Variants in CNTN4 observed in about 807,000 individuals in gnomAD.
CNTN4 encodes the protein contactin 4, also known as contactin-4.
Under a neutral mutation model 122.5 loss-of-function variants are expected in CNTN4, and 77 were observed. The observed-to-expected ratio is 0.63, with a 90% CI of 0.52 to 0.76. The LOEUF (loss-of-function observed/expected upper bound fraction) is 0.76, where lower values mean the gene tolerates loss of function less well. CNTN4 is among the 30% of genes least tolerant of loss of function. CNTN4 has a pLI of 0.00. For missense variants in CNTN4, 1,256 were observed against 1,259.1 expected (o/e 1.00, Z 0.04); for synonymous variants, 512 against 447.0 (o/e 1.15, Z -1.83).
intron 3 of CNTN4, among the ~76,000 whole-genome samples, chr3:2,515,595 A>C (rs550060284): frequency 5.9e-5 from 9 of 152,236 alleles, no homozygotes; most frequent in African/African-American, 2.2e-4. Context: ...TATTTTATGG[A>C]AAGTTTTTTT....
At chr3:2,486,266 C>T (rs1244584803) in intron 3 of CNTN4, among the ~76,000 whole-genome samples, 1 of 152,134 alleles carries the variant, frequency 6.6e-6, no homozygotes, top group African/African-American at 2.4e-5. Context: ...CCTGGACACA[C>T]CAGCTTTAAG....
intron 13 of CNTN4, among the ~76,000 whole-genome samples, chr3:2,937,510 G>A (rs1044658518): frequency 6.6e-6 from 1 of 152,164 alleles, no homozygotes; most frequent in Non-Finnish European, 1.5e-5. Flanking sequence ...ATGGTTTTAC[G>A]TGGACTATTT....
At chr3:2,902,825 A>T (rs1334437974) in intron 11 of CNTN4, 51 bp from the exon 12 acceptor site, 1 of 1,589,036 alleles carries the variant, frequency 6.3e-7, no homozygotes, top group Non-Finnish European at 8.6e-7. Context: ...ATTGCCTTAA[A>T]GTCTCAGTTG....
chr3:2,556,579 G>C (rs761525133), intron 3 of CNTN4, among the ~76,000 whole-genome samples: 16 of 151,878 alleles, frequency 1.1e-4, no homozygotes, highest in Non-Finnish European at 2.1e-4. Flanking sequence ...ACTGTTAACA[G>C]CTCGGCCCTG....
intron 6 of CNTN4, among the ~76,000 whole-genome samples, chr3:2,806,342 C>G (rs889123491): frequency 3.9e-5 from 6 of 152,184 alleles, no homozygotes; most frequent in African/African-American, 1.4e-4. Context: ...GATCAGGGAC[C>G]ATGTTGGATT....
At chr3:2,531,770 T>C (rs957956038) in intron 3 of CNTN4, among the ~76,000 whole-genome samples, 1 of 152,170 alleles carries the variant, frequency 6.6e-6, no homozygotes, top group African/African-American at 2.4e-5. Flanking sequence ...TTAATGGTGA[T>C]GAATGCTCTT....
chr3:2,975,105 T>C lies in CNTN4; in HGVS notation c.1359-13240T>C, dbSNP rs144297462. On this transcript the variant is annotated intron_variant, in intron 13 of 24. Transcript: ENST00000418658. Reference sequence around the variant, plus strand: ...GTTATTTTTCACATATTCTTTACTTTTGCTTCTGCTTTCAGACACATTAAT... The same window carrying C: ...GTTATTTTTCACATATTCTTTACTTCTGCTTCTGCTTTCAGACACATTAAT... 9.3e-3 allele frequency among the ~76,000 whole-genome samples: 1,421 copies of C among 152,264 alleles called. 79 individuals carry two copies. Among genetic ancestry groups the C allele is most frequent in the Admixed American group, 0.08 (1,228 of 15,274 alleles).
chr3:2,792,052 C>T (rs2092028471), intron 6 of CNTN4, among the ~76,000 whole-genome samples: 1 of 152,180 alleles, frequency 6.6e-6, no homozygotes, highest in Non-Finnish European at 1.5e-5. Flanking sequence ...TACCTGCAAT[C>T]CTGCACATGT....
chr3:2,897,081 T>G (rs141708549), intron 10 of CNTN4, among the ~76,000 whole-genome samples: 8 of 152,284 alleles, frequency 5.3e-5, no homozygotes, highest in Admixed American at 2.0e-4. Context: ...TTTGACCCAC[T>G]GAGTTTAAAT....
intron 2 of CNTN4, among the ~76,000 whole-genome samples, chr3:2,169,233 T>A (rs1006965351): frequency 6.6e-6 from 1 of 152,136 alleles, no homozygotes; most frequent in East Asian, 1.9e-4. Context: ...TTACCAAGTA[T>A]ATTTGTTCTA....
intron 3 of CNTN4, among the ~76,000 whole-genome samples, chr3:2,435,092 G>A (rs1434142835): frequency 1.3e-5 from 2 of 152,122 alleles, no homozygotes; most frequent in African/African-American, 4.8e-5. Flanking sequence ...AAGTCAAAGA[G>A]CTTAATACTA....
intron 13 of CNTN4, among the ~76,000 whole-genome samples, chr3:2,979,571 C>T (rs1197488740): frequency 6.6e-6 from 1 of 150,848 alleles, no homozygotes; most frequent in African/African-American, 2.4e-5. Context: ...TGGAACCAAT[C>T]ATGTATAAAA....
intron 2 of CNTN4, among the ~76,000 whole-genome samples, chr3:2,143,077 C>T (rs1039953742): frequency 1.3e-4 from 20 of 152,180 alleles, no homozygotes; most frequent in African/African-American, 3.4e-4. Flanking sequence ...GGGAGCACCA[C>T]GTTCACTGCC....
At chr3:2,480,461 C>T (rs1228009255) in intron 3 of CNTN4, among the ~76,000 whole-genome samples, 1 of 152,106 alleles carries the variant, frequency 6.6e-6, no homozygotes, top group Admixed American at 6.6e-5. Flanking sequence ...GACTGACTTT[C>T]CTGTATATCA....
chr3:2,330,369 T>G (rs1251585208), intron 2 of CNTN4, among the ~76,000 whole-genome samples: 1 of 152,074 alleles, frequency 6.6e-6, no homozygotes, highest in East Asian at 1.9e-4. Context: ...CATGATTGAT[T>G]AAACCATTGG....
chr3:2,729,121 G>A (rs1204471275), intron 4 of CNTN4, among the ~76,000 whole-genome samples: 1 of 152,142 alleles, frequency 6.6e-6, no homozygotes, highest in African/African-American at 2.4e-5. Flanking sequence ...TGCAACAGAT[G>A]GAAATACTTC....
At chr3:2,127,476 A>G (rs1026521395) in intron 2 of CNTN4, among the ~76,000 whole-genome samples, 1 of 152,158 alleles carries the variant, frequency 6.6e-6, no homozygotes, top group Non-Finnish European at 1.5e-5. Flanking sequence ...ATGTGCCACA[A>G]TCCTTTTAGA....
At chr3:2,917,230 C>T (rs2094375311) in intron 12 of CNTN4, among the ~76,000 whole-genome samples, 1 of 151,642 alleles carries the variant, frequency 6.6e-6, no homozygotes, top group Non-Finnish European at 1.5e-5. Flanking sequence ...AGGGAGGTCG[C>T]AGTGAGCCGA....
chr3:2,982,490 C>A (rs917513424), intron 13 of CNTN4, among the ~76,000 whole-genome samples: 9 of 152,212 alleles, frequency 5.9e-5, no homozygotes, highest in Admixed American at 4.6e-4. Flanking sequence ...CTCTTTCTCT[C>A]TCTCTTTCTC....
Sources: allele counts gnomAD v4.1 joint callset (sites outside exome capture counted in the v4.1 genomes callset), GRCh38; gene constraint gnomAD v4.1.1; transcripts MANE v1.5; gene names NCBI Gene and HGNC (gene_info 2026-07-23, HGNC 2026-07-21).